Variants in DIP2C observed in about 807,000 individuals in gnomAD.
DIP2C encodes disco-interacting protein 2 homolog C.
In DIP2C, 33 loss-of-function variants were observed where a neutral mutation model predicts 192.4. That is an observed-to-expected ratio of 0.17 (90% CI 0.13 to 0.23). The LOEUF (loss-of-function observed/expected upper bound fraction) is 0.23. Ranked by LOEUF, DIP2C falls within the 10% of genes least tolerant of loss-of-function variation. DIP2C has a pLI of 1.00. For missense variants in DIP2C, 1,537 were observed against 2,110.1 expected, an observed-to-expected ratio of 0.73 and a Z score of 5.32; for synonymous variants, 979 against 864.1, an observed-to-expected ratio of 1.13 and a Z score of -2.33.
chr10:440,712 C>T (rs1162221130), intron 4 of DIP2C, among the ~76,000 whole-genome samples, 159 bp downstream of exon 4: 1 of 152,130 alleles, frequency 6.6e-6, no homozygotes. Flanking sequence ...CTTTTCCTTC[C>T]ACGTTTAACT....
chr10:548,814 GT>G (rs1848438514), intron 1 of DIP2C, among the ~76,000 whole-genome samples: 1 of 143,802 alleles, frequency 7.0e-6, no homozygotes, highest in Admixed American at 7.4e-5. Context: ...AAGAAAAGTA[GT>G]TATTTAGAAC....
chr10:581,540 G>A (rs1042807572), intron 1 of DIP2C, among the ~76,000 whole-genome samples: 5 of 152,166 alleles, frequency 3.3e-5, no homozygotes, highest in African/African-American at 9.7e-5. Context: ...ACAAGTATCT[G>A]GAAGATTTAT....
chr10:306,942 G>A (rs370085362), intron 32 of DIP2C, among the ~76,000 whole-genome samples: 3 of 152,324 alleles, frequency 2.0e-5, no homozygotes, highest in East Asian at 1.9e-4. Flanking sequence ...TGGAGAAGTC[G>A]GAGTCATGCA....
chr10:381,477 C>T (rs912950940), intron 17 of DIP2C, among the ~76,000 whole-genome samples: 4 of 152,140 alleles, frequency 2.6e-5, no homozygotes, highest in African/African-American at 9.7e-5. Flanking sequence ...CCAGAGAAGA[C>T]CACTGAAGCC....
At chr10:665,510 C>CT (rs1220716131) in intron 1 of DIP2C, 1 of 152,160 alleles carries the variant, frequency 6.6e-6, no homozygotes, top group African/African-American at 2.4e-5. Flanking sequence ...TAAATAAATT[C>CT]TAAGTTCAGT....
At chr10:522,941 G>A (rs909490154) in intron 1 of DIP2C, among the ~76,000 whole-genome samples, 3 of 151,978 alleles carry the variant, frequency 2.0e-5, no homozygotes, top group Non-Finnish European at 2.9e-5. Flanking sequence ...AGGGAACTGT[G>A]TGTGACCAAC....
rs192787061 is a variant in DIP2C at position 537,565 on chromosome 10, G to A, written c.86-51035C>T. On this transcript the variant is annotated intron_variant, in intron 1 of 36. Transcript: ENST00000280886. ...CAGGGCACCCAGCATCCTGCCCCCC[G>A]TCCCCCTCCCCCGCACACTTGTGCC... Among the ~76,000 whole-genome samples the A allele has an allele frequency of 1.1e-3, 135 of 122,748 alleles. 1 individual carries two copies. The highest frequency in any genetic ancestry group is 4.0e-3 in the African/African-American group (125 of 30,972). 80.5% of individuals were successfully genotyped at this position (122,748 alleles called of 152,430 possible). A position where few individuals can be genotyped will look rare whatever the true frequency, so the allele number is the denominator to read the frequency against.
At chr10:482,759 T>C (rs1843699565) in intron 2 of DIP2C, among the ~76,000 whole-genome samples, 1 of 152,202 alleles carries the variant, frequency 6.6e-6, no homozygotes, top group African/African-American at 2.4e-5. Context: ...GGCCTTGTTA[T>C]CCAAGTCGAC....
chr10:596,439 T>C (rs185150625), intron 1 of DIP2C, among the ~76,000 whole-genome samples: 1 of 127,578 alleles, frequency 7.8e-6, no homozygotes, highest in Non-Finnish European at 1.5e-5. Context: ...GAGGTTGCAG[T>C]GAGCCGAGAT....
intron 10 of DIP2C, among the ~76,000 whole-genome samples, chr10:394,961 TGAG>T (rs1464144989): frequency 7.2e-6 from 1 of 139,678 alleles, no homozygotes; most frequent in Non-Finnish European, 1.6e-5. Context: ...CAGCCGTCAG[TGAG>T]GAGGGAAGCC....
At chr10:480,578 G>A (rs1053004742) in intron 2 of DIP2C, among the ~76,000 whole-genome samples, 5 of 152,190 alleles carry the variant, frequency 3.3e-5, no homozygotes, top group South Asian at 2.1e-4. Context: ...CTTACACCTC[G>A]GATTTTTCAC....
At chr10:287,125 C>T (rs1955184843) in intron 33 of DIP2C, among the ~76,000 whole-genome samples, 3 of 151,108 alleles carry the variant, frequency 2.0e-5, no homozygotes, top group South Asian at 4.2e-4. Flanking sequence ...TTTTTTGAGA[C>T]AGGGTCTAGT....
At chr10:529,295 T>C (rs1325644108) in intron 1 of DIP2C, among the ~76,000 whole-genome samples, 1 of 152,096 alleles carries the variant, frequency 6.6e-6, no homozygotes, top group African/African-American at 2.4e-5. Flanking sequence ...ATTTAGAAAA[T>C]GTTTAATTCC....
At chr10:534,140 G>C (rs1847568365) in intron 1 of DIP2C, among the ~76,000 whole-genome samples, 2 of 152,222 alleles carry the variant, frequency 1.3e-5, no homozygotes, top group African/African-American at 4.8e-5. Context: ...CCACTTCCCA[G>C]AGTCCATGCT....
chr10:570,504 G>C (rs1564210110), intron 1 of DIP2C, among the ~76,000 whole-genome samples: 1 of 151,984 alleles, frequency 6.6e-6, no homozygotes. Context: ...TCCTTTACCA[G>C]TTTCCCGCAG....
At chr10:616,879 A>G (rs939901751) in intron 1 of DIP2C, among the ~76,000 whole-genome samples, 1 of 152,194 alleles carries the variant, frequency 6.6e-6, no homozygotes, top group Non-Finnish European at 1.5e-5. Context: ...AGGCTCTGAA[A>G]AGACAGATTC....
intron 8 of DIP2C, among the ~76,000 whole-genome samples, chr10:413,444 C>A (rs1965312667): frequency 6.6e-6 from 1 of 152,220 alleles, no homozygotes; most frequent in Admixed American, 6.5e-5. Context: ...ATAAATCACA[C>A]ATGTATTTAA....
rs1278930517 is a variant in DIP2C at position 295,988 on chromosome 10, T to C, written c.3987-7567A>G. 2.6e-5 allele frequency among the ~76,000 whole-genome samples: 4 copies of C among 152,332 alleles called. No homozygotes were observed. In the East Asian group the frequency reaches 7.7e-4, roughly 29 times the overall value. On this transcript the variant is annotated intron_variant, in intron 32 of 36. Coordinates refer to ENST00000280886, the MANE Select transcript of DIP2C (RefSeq NM_014974.3). ...GGTTGTTTGACTCTTTCTTGTAAAT[T>C]TGTTTAAGTTCTTTGTAGATTCTGG...
At chr10:288,483 A>G in intron 32 of DIP2C, 62 bp from the exon 33 acceptor site, 2 of 1,566,928 alleles carry the variant, frequency 1.3e-6, no homozygotes, top group Non-Finnish European at 8.8e-7. Context: ...CCCTTCACCA[A>G]TTCACACGAG....
Sources: gnomAD v4.1 joint callset for allele counts (sites outside exome capture counted in the v4.1 genomes callset) on GRCh38, gnomAD v4.1.1 for gene constraint, MANE v1.5 for transcripts, NCBI Gene and HGNC (gene_info 2026-07-23, HGNC 2026-07-21) for gene names.